The following NR2F1-AS1 variants were observed in gnomAD, a reference collection of about 807,000 sequenced individuals.
NR2F1-AS1 encodes the protein NR2F1 antisense RNA 1.
upstream of NR2F1-AS1, among the ~76,000 whole-genome samples, chr5:93,581,680 C>G (rs990811449): frequency 1.5e-4 from 6 of 40,190 alleles, no homozygotes; most frequent in Non-Finnish European, 2.4e-4. Context: ...CTCTCTCTCT[C>G]TCTCTCTCTC....
chr5:93,551,180 A>G (rs563616315), intron 4 of NR2F1-AS1, among the ~76,000 whole-genome samples: 242 of 152,154 alleles, frequency 1.6e-3, no homozygotes, highest in African/African-American at 5.7e-3. Flanking sequence ...GGAAAATTTC[A>G]TTCCTTCCAA....
At chr5:93,425,349 G>C (rs1488058987) in intron 4 of NR2F1-AS1, among the ~76,000 whole-genome samples, 1 of 152,158 alleles carries the variant, frequency 6.6e-6, no homozygotes, top group Non-Finnish European at 1.5e-5. Flanking sequence ...TGGGCTCATT[G>C]ACAATACAGT....
chr5:93,509,043 A>G (rs781440421), intron 4 of NR2F1-AS1, among the ~76,000 whole-genome samples: 2 of 152,124 alleles, frequency 1.3e-5, no homozygotes, highest in Non-Finnish European at 2.9e-5. Context: ...ACAAGGATAA[A>G]AGTGTTCCTT....
At chr5:93,548,331 C>T (rs946473127) in intron 4 of NR2F1-AS1, among the ~76,000 whole-genome samples, 1 of 152,172 alleles carries the variant, frequency 6.6e-6, no homozygotes, top group African/African-American at 2.4e-5. Flanking sequence ...GCTCTTCTTT[C>T]ATTCCCACAT....
At position 93,531,661 on chromosome 5, in the gene NR2F1-AS1, C is replaced by T. The variant is rs150887388; in HGVS notation, n.638+22100G>A. On this transcript the variant is annotated intron_variant and non_coding_transcript_variant, in intron 4 of 5. Coordinates refer to ENST00000660523, the Ensembl canonical transcript of NR2F1-AS1. ...TCATTGTCTCTCAACTTTCTATCAT[C>T]TACTTTAAGAATTTCCAGTGCCTCA... Among the ~76,000 whole-genome samples, 102 of 152,256 alleles carry T rather than the reference C, an allele frequency of 6.7e-4. 1 individual carries two copies. Among genetic ancestry groups the T allele is most frequent in the African/African-American group, 2.4e-3 (98 of 41,550 alleles).
chr5:93,430,437 G>C (rs896908676), intron 4 of NR2F1-AS1, among the ~76,000 whole-genome samples: 1 of 152,040 alleles, frequency 6.6e-6, no homozygotes, highest in Non-Finnish European at 1.5e-5. Flanking sequence ...TGCCCCAAGG[G>C]TCCTAAAACT....
At chr5:93,511,397 A>C (rs1307685810) in intron 4 of NR2F1-AS1, among the ~76,000 whole-genome samples, 1 of 152,130 alleles carries the variant, frequency 6.6e-6, no homozygotes, top group Non-Finnish European at 1.5e-5. Flanking sequence ...ATCACGTTAC[A>C]CCACCAGCTT....
chr5:93,558,326 T>C (rs1212510440), intron 2 of NR2F1-AS1, among the ~76,000 whole-genome samples: 1 of 151,848 alleles, frequency 6.6e-6, no homozygotes, highest in Non-Finnish European at 1.5e-5. Flanking sequence ...TTTCTTTTTT[T>C]TTTTTTTTTT....
intron 4 of NR2F1-AS1, among the ~76,000 whole-genome samples, chr5:93,431,590 T>C (rs760352218): frequency 1.3e-5 from 2 of 152,218 alleles, no homozygotes; most frequent in African/African-American, 2.4e-5. Flanking sequence ...ACACTGAAGT[T>C]TGCAAATGCA....
At chr5:93,505,369 C>T (rs1459217916) in intron 4 of NR2F1-AS1, among the ~76,000 whole-genome samples, 1 of 152,142 alleles carries the variant, frequency 6.6e-6, no homozygotes, top group Non-Finnish European at 1.5e-5. Flanking sequence ...AGTGGTCTAC[C>T]ATTCTGGGGT....
At position 93,579,141 on chromosome 5, in the gene NR2F1-AS1, G is replaced by C. The variant is rs1190026788; in HGVS notation, n.313+1326C>G. ...TCAGGCCGGACGAGTTCCAGAGGGG[G>C]ACAGCGCCCTCCTCGAAAAGCCTTG... On this transcript the variant is annotated intron_variant and non_coding_transcript_variant, in intron 1 of 5. Transcript: ENST00000660523. This position sits in a 1 kb window ranked among gnomAD's most constrained non-coding sequence, Gnocchi z 5.1. Among the ~76,000 whole-genome samples, 1 of 152,198 alleles carries C rather than the reference G, an allele frequency of 6.6e-6. No individual in the cohort carries two copies. Among genetic ancestry groups the C allele is most frequent in the Non-Finnish European group, 1.5e-5 (1 of 68,036 alleles).
chr5:93,471,578 T>C (rs188040168), intron 4 of NR2F1-AS1, among the ~76,000 whole-genome samples: 1 of 151,988 alleles, frequency 6.6e-6, no homozygotes, highest in Non-Finnish European at 1.5e-5. Context: ...ACACCTTTGG[T>C]TACAGGTGAT....
At chr5:93,492,037 A>G (rs1031259432) in intron 4 of NR2F1-AS1, among the ~76,000 whole-genome samples, 3 of 152,156 alleles carry the variant, frequency 2.0e-5, no homozygotes, top group African/African-American at 4.8e-5. Flanking sequence ...TACATCAACT[A>G]AACCAACAAA....
chr5:93,419,737 C>T (rs368448701), intron 4 of NR2F1-AS1, among the ~76,000 whole-genome samples: 1 of 152,104 alleles, frequency 6.6e-6, no homozygotes, highest in African/African-American at 2.4e-5. Context: ...AAGGATTCTG[C>T]AAAATTGACA....
chr5:93,540,160 A>G (rs995290218), intron 4 of NR2F1-AS1, among the ~76,000 whole-genome samples: 4 of 152,200 alleles, frequency 2.6e-5, no homozygotes, highest in Non-Finnish European at 5.9e-5. Context: ...TTTATACTAC[A>G]GTTGTCACTG....
At chr5:93,561,111 T>C (rs1177313001) in intron 2 of NR2F1-AS1, among the ~76,000 whole-genome samples, 1 of 151,998 alleles carries the variant, frequency 6.6e-6, no homozygotes, top group Admixed American at 6.5e-5. Flanking sequence ...CCATCTCTAC[T>C]AAAAATACAA....
intron 4 of NR2F1-AS1, among the ~76,000 whole-genome samples, chr5:93,443,007 C>A (rs897427868): frequency 1.4e-4 from 22 of 152,198 alleles, no homozygotes; most frequent in African/African-American, 5.1e-4. Flanking sequence ...AACTAACAAA[C>A]AGAAAGGACG....
At chr5:93,494,047 G>C (rs1412714519) in intron 4 of NR2F1-AS1, among the ~76,000 whole-genome samples, 1 of 152,032 alleles carries the variant, frequency 6.6e-6, no homozygotes, top group Non-Finnish European at 1.5e-5. Context: ...TACAGAATGG[G>C]AAAAAAATTT....
intron 4 of NR2F1-AS1, among the ~76,000 whole-genome samples, chr5:93,444,629 T>C (rs971448451): frequency 9.9e-5 from 15 of 152,130 alleles, no homozygotes; most frequent in African/African-American, 3.1e-4. Context: ...CTGTCAACAT[T>C]AGACAGATCA....
Sources: gnomAD v4.1 joint callset for allele counts (sites outside exome capture counted in the v4.1 genomes callset) on GRCh38, gnomAD v4.1.1 for gene constraint, Gnocchi (gnomAD v3.1) non-coding constraint, MANE v1.5 for transcripts, NCBI Gene and HGNC (gene_info 2026-07-23, HGNC 2026-07-21) for gene names.